NCKAP1: variants seen among roughly 807,000 people sequenced by gnomAD.
NCKAP1 encodes nck-associated protein 1.
In NCKAP1, 21 loss-of-function variants were observed where a neutral mutation model predicts 151.2. That is an observed-to-expected ratio of 0.14 (90% CI 0.10 to 0.20). NCKAP1 has a LOEUF of 0.20. Ranked by LOEUF, NCKAP1 falls within the 10% of genes least tolerant of loss-of-function variation. The probability of loss-of-function intolerance (pLI) is 1.00; values close to 1 mark genes in which losing one functional copy is unlikely to be tolerated. For missense variants in NCKAP1, 933 were observed against 1,352.1 expected, an observed-to-expected ratio of 0.69 and a Z score of 4.86; for synonymous variants, 484 against 451.8, an observed-to-expected ratio of 1.07 and a Z score of -0.90.
intron 18 of NCKAP1, among the ~76,000 whole-genome samples, chr2:182,961,316 A>G (rs1000310982): frequency 2.6e-5 from 4 of 152,236 alleles, no homozygotes; most frequent in Admixed American, 6.5e-5. Context: ...ACAATAGCAA[A>G]GACTTGGAAC....
rs1696443017 is a variant in NCKAP1 at position 182,914,843 on chromosome 2, C to T, written c.*10859G>A. 6.6e-6 allele frequency: 1 copy of T among 152,182 alleles called. No individual in the cohort carries two copies. Among genetic ancestry groups the T allele is most frequent in the African/African-American group, 2.4e-5 (1 of 41,422 alleles). The allele number at this position is 152,182 out of a possible 1,614,324, so 9.4% of individuals were successfully genotyped here. ...TGTTGGGAGCAAGTAATGATTTTTC[C>T]TCTTTGTTCTTGTGGAGGGATGCTT... On this transcript the variant is annotated 3_prime_UTR_variant, in exon 31 of 31. Coordinates refer to ENST00000361354, the MANE Select transcript of NCKAP1 (RefSeq NM_013436.5).
At position 182,916,875 on chromosome 2, in the gene NCKAP1, C is replaced by T. The variant is rs1471531561; in HGVS notation, c.*8827G>A. 2.6e-5 allele frequency: 4 copies of T among 152,060 alleles called. No individual in the cohort carries two copies. Among genetic ancestry groups the T allele is most frequent in the Admixed American group, 2.0e-4 (3 of 15,256 alleles). 9.4% of individuals were successfully genotyped at this position (152,060 alleles called of 1,614,324 possible). ...AAAGTTACATGACAGGGAAAATAAT[C>T]TTTCCCATTTAAGATAAAGACTCCG... On this transcript the variant is annotated 3_prime_UTR_variant, in exon 31 of 31. Coordinates refer to ENST00000361354, the MANE Select transcript of NCKAP1 (RefSeq NM_013436.5).
intron 10 of NCKAP1, among the ~76,000 whole-genome samples, chr2:182,983,722 A>C (rs1021638133): frequency 6.6e-6 from 1 of 152,218 alleles, no homozygotes; most frequent in African/African-American, 2.4e-5. Context: ...AGCTTTAAGC[A>C]CTTTATAGAC....
chr2:182,976,059 G>A (rs1697816741), intron 15 of NCKAP1, among the ~76,000 whole-genome samples: 1 of 152,036 alleles, frequency 6.6e-6, no homozygotes, highest in Admixed American at 6.6e-5. Context: ...ACTGGGAAAG[G>A]GGCAAACTGA....
At chr2:183,000,228 T>A (rs184602608) in intron 6 of NCKAP1, among the ~76,000 whole-genome samples, 1 of 152,130 alleles carries the variant, frequency 6.6e-6, no homozygotes, top group Non-Finnish European at 1.5e-5. Context: ...TAGAAAAAAA[T>A]CAAGATTGGA....
intron 15 of NCKAP1, among the ~76,000 whole-genome samples, chr2:182,974,638 GGAGA>G (rs973453113): frequency 1.3e-5 from 2 of 152,134 alleles, no homozygotes; most frequent in African/African-American, 4.8e-5. Flanking sequence ...CCAGAAGCTA[GGAGA>G]GAGAGATGGA....
chr2:182,929,087 T>A (rs942108560), intron 27 of NCKAP1, among the ~76,000 whole-genome samples, 188 bp from the exon 28 acceptor site: 3 of 151,886 alleles, frequency 2.0e-5, no homozygotes. Context: ...TAGAAACAGT[T>A]TATATTACAA....
At chr2:182,985,976 A>G (rs1173342804) in intron 10 of NCKAP1, among the ~76,000 whole-genome samples, 195 bp downstream of exon 10, 1 of 152,120 alleles carries the variant, frequency 6.6e-6, no homozygotes, top group East Asian at 1.9e-4. Context: ...CACTTCAAAA[A>G]CATTTAAAAT....
At position 182,981,252 on chromosome 2, in the gene NCKAP1, G is replaced by C; in HGVS notation, c.1333C>G (p.Leu445Val). 1 of 1,613,314 alleles carries C rather than the reference G, an allele frequency of 6.2e-7. No individual in the cohort carries two copies. Among genetic ancestry groups the C allele is most frequent in the Non-Finnish European group, 8.5e-7 (1 of 1,179,556 alleles). ...TATGAGATAGTTTTTACCTGCACGAGTTCATTGAGGACAACAGCATCAAAG... is the reference window on the plus strand; with the variant it reads ...TATGAGATAGTTTTTACCTGCACGACTTCATTGAGGACAACAGCATCAAAG... ...SGFDAVVLNE[L>V]VQNLSVCPED... Residue 445 changes from leucine (L) to valine (V), a missense_variant, in exon 13 of 31, where the codon CTC becomes GTC. Transcript: ENST00000361354.
intron 16 of NCKAP1, among the ~76,000 whole-genome samples, chr2:182,965,714 C>A (rs1425516752): frequency 2.6e-5 from 4 of 151,994 alleles, no homozygotes; most frequent in Non-Finnish European, 5.9e-5. Context: ...ATTCAAAGTG[C>A]TTTTAGTTCC....
Position 182,953,266 on chromosome 2 carries a change from A to G in NCKAP1, c.2219T>C (p.Leu740Pro), listed in dbSNP as rs1459107595. Reference sequence around the variant, plus strand: ...GGTCATGTATGCTCTTACACTTGTTAGAAGTTCTGAAGGTTTTGCAATTTC... The same window carrying G: ...GGTCATGTATGCTCTTACACTTGTTGGAAGTTCTGAAGGTTTTGCAATTTC... ...TQEIAKPSEL[L>P]TSVRAYMTVL... The change falls in exon 21 of 31, where the codon CTA becomes CCA. Residue 740 changes from leucine to proline, a missense_variant. By Grantham distance (98) the Leu-to-Pro change is moderately conservative (BLOSUM62 -3). This residue lies in a region of NCKAP1 where 326 missense variants were observed against 557.1 expected (regional missense o/e 0.59). Coordinates refer to ENST00000361354, the MANE Select transcript of NCKAP1 (RefSeq NM_013436.5). 1 of 1,613,560 alleles carries G rather than the reference A, an allele frequency of 6.2e-7. No homozygotes were observed.
chr2:182,970,739 A>C (rs566913771), intron 15 of NCKAP1, among the ~76,000 whole-genome samples: 1 of 152,348 alleles, frequency 6.6e-6, no homozygotes, highest in East Asian at 1.9e-4. Context: ...ACTTTTATTC[A>C]ACACAGGACT....
intron 14 of NCKAP1, 94 bp from the exon 15 acceptor site, chr2:182,977,045 T>A: frequency 1.4e-6 from 1 of 734,920 alleles, no homozygotes; most frequent in Non-Finnish European, 2.1e-6. Context: ...AAGACAATTC[T>A]ACTTCTGAGT....
chr2:183,004,053 C>T (rs1698421152), intron 2 of NCKAP1, among the ~76,000 whole-genome samples: 1 of 152,186 alleles, frequency 6.6e-6, no homozygotes, highest in African/African-American at 2.4e-5. Context: ...ATAAGATTCT[C>T]AGAATTCCAA....
rs1005955812 is a variant in NCKAP1, at chr2:182,934,667, T to C, written c.2859+85A>G. The C allele has an allele frequency of 3.1e-5, 23 of 736,338 alleles. No individual in the cohort carries two copies. In the South Asian group the frequency reaches 3.5e-4, roughly 11 times the overall value. The allele number at this position is 736,338 out of a possible 1,614,324, so 45.6% of individuals were successfully genotyped here. On this transcript the variant is annotated intron_variant, in intron 26 of 30. Coordinates refer to ENST00000361354, the MANE Select transcript of NCKAP1 (RefSeq NM_013436.5). ...CTAAACTAGAAACCTTACAGTAGTTTAGGATTTATTACATTTTCTTGCATA... is the reference window on the plus strand; with the variant it reads ...CTAAACTAGAAACCTTACAGTAGTTCAGGATTTATTACATTTTCTTGCATA...
Position 182,987,676 on chromosome 2 carries a change from T to C in NCKAP1, c.947+1354A>G, listed in dbSNP as rs563206644. Among the ~76,000 whole-genome samples, 31 of 152,288 alleles carry C rather than the reference T, an allele frequency of 2.0e-4. 1 individual carries two copies. Among genetic ancestry groups the C allele is most frequent in the African/African-American group, 7.2e-4 (30 of 41,570 alleles). On this transcript the variant is annotated intron_variant, in intron 9 of 30. Coordinates refer to ENST00000361354, the MANE Select transcript of NCKAP1 (RefSeq NM_013436.5). ...TTTGTCAGTATGCTAGTACATGATATTAATAAAAGTTTCATGATTTTCAAT... is the reference window on the plus strand; with the variant it reads ...TTTGTCAGTATGCTAGTACATGATACTAATAAAAGTTTCATGATTTTCAAT...
At chr2:183,006,727 T>C (rs1401280060) in intron 2 of NCKAP1, among the ~76,000 whole-genome samples, 2 of 152,190 alleles carry the variant, frequency 1.3e-5, no homozygotes, top group African/African-American at 4.8e-5. Flanking sequence ...AACCAAGTTT[T>C]CTTAATTCAA....
At chr2:183,011,240 C>T (rs891964122) in intron 2 of NCKAP1, among the ~76,000 whole-genome samples, 1 of 152,162 alleles carries the variant, frequency 6.6e-6, no homozygotes, top group African/African-American at 2.4e-5. Context: ...TCTGAATAAA[C>T]TTCATTTATT....
At chr2:182,995,638 C>T in intron 7 of NCKAP1, 63 bp downstream of exon 7, 3 of 1,482,810 alleles carry the variant, frequency 2.0e-6, no homozygotes, top group East Asian at 2.3e-5. Context: ...AACAGCATTA[C>T]TGAACTATTA....
Sources: allele counts gnomAD v4.1 joint callset (sites outside exome capture counted in the v4.1 genomes callset), GRCh38; gene constraint gnomAD v4.1.1; regional missense constraint gnomAD v4.1.1; transcripts MANE v1.5; gene names NCBI Gene and HGNC (gene_info 2026-07-23, HGNC 2026-07-21).